Variants in CDH12 observed in about 807,000 individuals in gnomAD.
CDH12 encodes the protein cadherin-12.
CDH12 carries 41 observed loss-of-function variants against 74.1 expected under a neutral mutation model. The ratio of observed to expected loss-of-function variants is 0.55; its 90% CI spans 0.43 to 0.72. The LOEUF is 0.72. Ranked by LOEUF, CDH12 falls within the 30% of genes least tolerant of loss-of-function variation. CDH12 has a pLI of 0.00. For synonymous variants in CDH12, 399 were observed against 355.0 expected, an observed-to-expected ratio of 1.12 and a Z score of -1.39; for missense variants, 945 against 977.2, an observed-to-expected ratio of 0.97 and a Z score of 0.44.
intron 6 of CDH12, among the ~76,000 whole-genome samples, chr5:21,968,163 C>A (rs1756671904): frequency 1.3e-5 from 2 of 152,228 alleles, no homozygotes; most frequent in African/African-American, 4.8e-5. Context: ...GAACCTTTAC[C>A]ATTTAGACTT....
chr5:22,582,783 G>T (rs1259502435), intron 1 of CDH12, among the ~76,000 whole-genome samples: 1 of 152,082 alleles, frequency 6.6e-6, no homozygotes, highest in African/African-American at 2.4e-5. Flanking sequence ...TACTGCAATT[G>T]TATCATGTTT....
rs376778374 is a variant in CDH12 at position 22,709,317 on chromosome 5, CAGA to C, written c.-523+143738_-523+143740del. 3.0e-3 allele frequency among the ~76,000 whole-genome samples: 457 copies of C among 152,130 alleles called. 2 individuals carry two copies. Among genetic ancestry groups the C allele is most frequent in the Non-Finnish European group, 5.1e-3 (348 of 67,992 alleles). ...CAAGGTGGTACATGACAGAAATATG[CAGA>C]AGATTTGTGTGTATGCACCTAAAAA... On this transcript the variant is annotated intron_variant, in intron 1 of 14. Coordinates refer to ENST00000382254, the MANE Select transcript of CDH12 (RefSeq NM_004061.5).
chr5:22,359,086 C>A (rs926754673), intron 3 of CDH12, among the ~76,000 whole-genome samples: 2 of 151,962 alleles, frequency 1.3e-5, no homozygotes, highest in Admixed American at 6.6e-5. Context: ...ACAATATTAA[C>A]CTTAAATGTA....
At chr5:22,712,154 C>T (rs1163422573) in intron 1 of CDH12, among the ~76,000 whole-genome samples, 1 of 151,778 alleles carries the variant, frequency 6.6e-6, no homozygotes, top group Non-Finnish European at 1.5e-5. Flanking sequence ...CATTGTTATA[C>T]CTGTAACAAT....
At chr5:22,683,588 A>G (rs998061345) in intron 1 of CDH12, among the ~76,000 whole-genome samples, 6 of 152,180 alleles carry the variant, frequency 3.9e-5, no homozygotes, top group Admixed American at 3.9e-4. Flanking sequence ...TTTTTTCTGC[A>G]TTGAAAAAGC....
At chr5:22,703,536 T>C (rs1471355822) in intron 1 of CDH12, among the ~76,000 whole-genome samples, 1 of 152,180 alleles carries the variant, frequency 6.6e-6, no homozygotes, top group Non-Finnish European at 1.5e-5. Context: ...AAGTAAAAAG[T>C]TGAATCAGCT....
At chr5:22,304,396 G>A (rs777979719) in intron 3 of CDH12, among the ~76,000 whole-genome samples, 4 of 152,104 alleles carry the variant, frequency 2.6e-5, no homozygotes, top group Non-Finnish European at 4.4e-5. Context: ...TTATTAGTAG[G>A]AAATGCCTTT....
chr5:22,024,792 C>T (rs1580129332), intron 5 of CDH12, among the ~76,000 whole-genome samples: 1 of 152,042 alleles, frequency 6.6e-6, no homozygotes, highest in Admixed American at 6.6e-5. Context: ...GGAATTACAG[C>T]TGTGAGCCAC....
intron 3 of CDH12, among the ~76,000 whole-genome samples, chr5:22,213,923 G>A (rs1420393340): frequency 4.6e-5 from 7 of 151,934 alleles, no homozygotes; most frequent in Admixed American, 3.9e-4. Context: ...GTGTGTGCGT[G>A]TGTGTGTGGG....
At chr5:22,739,485 A>G (rs1327997172) in intron 1 of CDH12, among the ~76,000 whole-genome samples, 1 of 152,068 alleles carries the variant, frequency 6.6e-6, no homozygotes, top group Non-Finnish European at 1.5e-5. Flanking sequence ...AAATATTCCC[A>G]GTATTTCTAA....
chr5:21,833,214 A>T (rs1198103431), intron 8 of CDH12, among the ~76,000 whole-genome samples: 1 of 42,120 alleles, frequency 2.4e-5, no homozygotes, highest in East Asian at 1.0e-3. Flanking sequence ...ATTATAATAT[A>T]TATTATATGT....
chr5:22,820,852 G>GA (rs1438698552), intron 1 of CDH12, among the ~76,000 whole-genome samples: 1 of 152,060 alleles, frequency 6.6e-6, no homozygotes, highest in Non-Finnish European at 1.5e-5. Flanking sequence ...CCAATCAATA[G>GA]AAAAAGAGGG....
chr5:22,151,206 T>G (rs960778838), intron 4 of CDH12, among the ~76,000 whole-genome samples: 1 of 152,116 alleles, frequency 6.6e-6, no homozygotes, highest in African/African-American at 2.4e-5. Context: ...AGTGGTAGAT[T>G]CTGGATTCAA....
chr5:21,837,425 T>A (rs1192003664), intron 8 of CDH12, among the ~76,000 whole-genome samples: 1 of 151,668 alleles, frequency 6.6e-6, no homozygotes, highest in East Asian at 1.9e-4. Context: ...TTGTGTAGCT[T>A]AAGCAATGAG....
At chr5:22,560,559 G>T (rs954541676) in intron 1 of CDH12, among the ~76,000 whole-genome samples, 2 of 151,630 alleles carry the variant, frequency 1.3e-5, no homozygotes, top group Non-Finnish European at 2.9e-5. Context: ...AAAAGGTATT[G>T]CAATTTTTCA....
intron 6 of CDH12, among the ~76,000 whole-genome samples, chr5:21,904,997 A>C (rs11743117): frequency 0.08 from 12,239 of 152,294 alleles, 696 homozygotes; most frequent in Middle Eastern, 0.12. Context: ...GGTGATGTAC[A>C]GGAAAGAAAA....
chr5:22,745,819 C>T (rs936049001), intron 1 of CDH12, among the ~76,000 whole-genome samples: 1 of 151,988 alleles, frequency 6.6e-6, no homozygotes, highest in Non-Finnish European at 1.5e-5. Context: ...GGGTACGAGG[C>T]TTAATACCTG....
intron 1 of CDH12, among the ~76,000 whole-genome samples, chr5:22,557,887 T>C (rs976674364): frequency 2.0e-4 from 30 of 152,092 alleles, no homozygotes; most frequent in Non-Finnish European, 2.9e-5. Context: ...TGTGAATGTG[T>C]AACGTTTTAT....
At chr5:22,036,689 G>A (rs1374197311) in intron 5 of CDH12, among the ~76,000 whole-genome samples, 1 of 152,032 alleles carries the variant, frequency 6.6e-6, no homozygotes, top group African/African-American at 2.4e-5. Flanking sequence ...TTTGTCATCT[G>A]GAAATAGAAA....
Sources: allele counts gnomAD v4.1 joint callset (sites outside exome capture counted in the v4.1 genomes callset), GRCh38; gene constraint gnomAD v4.1.1; transcripts MANE v1.5; gene names NCBI Gene and HGNC (gene_info 2026-07-23, HGNC 2026-07-21).